Variants in FBLN7 observed in about 807,000 individuals in gnomAD.
FBLN7 encodes the protein fibulin-7.
FBLN7 carries 31 observed loss-of-function variants against 44.0 expected under a neutral mutation model. The ratio of observed to expected loss-of-function variants is 0.70; its 90% confidence interval spans 0.53 to 0.95. The LOEUF (loss-of-function observed/expected upper bound fraction) is 0.95. Among genes scored for constraint, FBLN7 ranks in the 40% least tolerant of loss-of-function variants. FBLN7 has a pLI of 0.00. For missense variants in FBLN7, 573 were observed against 618.5 expected (o/e 0.93, Z 0.78); for synonymous variants, 262 against 253.4 (o/e 1.03, Z -0.32).
intron 1 of FBLN7, among the ~76,000 whole-genome samples, chr2:112,154,570 T>G (rs1454774782): frequency 6.6e-6 from 1 of 152,188 alleles, no homozygotes; most frequent in African/African-American, 2.4e-5. Flanking sequence ...TTTTCACTGT[T>G]GGGACCTGGA....
At chr2:112,152,228 C>A (rs907261707) in intron 1 of FBLN7, 1 of 152,266 alleles carries the variant, frequency 6.6e-6, no homozygotes, top group Non-Finnish European at 1.5e-5. Context: ...GGCTCAGAGA[C>A]CTATGCGGCT....
the FBLN7 span, among the ~76,000 whole-genome samples, chr2:112,219,327 T>G: frequency 6.6e-6 from 1 of 152,252 alleles, no homozygotes; most frequent in South Asian, 2.1e-4. Flanking sequence ...GACCATTCAA[T>G]GAAGGAAGGA....
At chr2:112,212,679 C>G in the FBLN7 span, 1 of 152,202 alleles carries the variant, frequency 6.6e-6, no homozygotes, top group Non-Finnish European at 1.5e-5. Context: ...TCCCAACTTT[C>G]CTCTCTGTTT....
In FBLN7 at chr2:112,175,759, G is replaced by A. The variant is rs761415015; in HGVS notation, c.452G>A (p.Cys151Tyr). The A allele has an allele frequency of 7.4e-6, 12 of 1,614,154 alleles. No individual in the cohort carries two copies. Among genetic ancestry groups the A allele is most frequent in the South Asian group, 1.1e-5 (1 of 91,086 alleles). ...SSQPCQNGGT[C>Y]VEGVNQYRCI... ...CAGCCTTGTCAAAATGGTGGTACAT[G>A]TGTAGAAGGAGTCAACCAGTACAGA... Residue 151 changes from cysteine (C) to tyrosine (Y), a missense_variant, in exon 4 of 8, where the codon TGT (cysteine) becomes TAT (tyrosine). Cys to Tyr is a radical substitution (Grantham distance 194, BLOSUM62 -2). Coordinates refer to ENST00000331203, the MANE Select transcript of FBLN7 (RefSeq NM_153214.3).
At chr2:112,166,637 A>G (rs1483299781) in intron 3 of FBLN7, among the ~76,000 whole-genome samples, 1 of 152,232 alleles carries the variant, frequency 6.6e-6, no homozygotes, top group Non-Finnish European at 1.5e-5. Flanking sequence ...TTGACTCTGA[A>G]AGATCTCAAG....
chr2:112,167,793 A>G (rs541439966), intron 3 of FBLN7, among the ~76,000 whole-genome samples: 6 of 152,252 alleles, frequency 3.9e-5, no homozygotes, highest in Non-Finnish European at 7.4e-5. Flanking sequence ...TTGGGCCCAA[A>G]CCAGTCAGAA....
At chr2:112,209,117 T>C in the FBLN7 span, among the ~76,000 whole-genome samples, 1 of 152,224 alleles carries the variant, frequency 6.6e-6, no homozygotes, top group African/African-American at 2.4e-5. Context: ...GCATGACAGA[T>C]TTTATTTTTG....
chr2:112,181,902 T>A lies in FBLN7; in HGVS notation c.670+26T>A, dbSNP rs539326562. The stretch of plus-strand genomic sequence containing the variant: ...GTAGGCGCGGGCTCCGCCAGGACAC[T>A]GGGGACAGCACGGGGAGGACATGGG... On this transcript the variant is annotated intron_variant, in intron 5 of 7. Coordinates refer to ENST00000331203, the MANE Select transcript of FBLN7 (RefSeq NM_153214.3). The A allele has an allele frequency of 4.2e-5, 65 of 1,532,694 alleles. No homozygotes were observed. In the African/African-American group the frequency reaches 7.0e-4, roughly 17 times the overall value. 94.9% of individuals were successfully genotyped at this position (1,532,694 alleles called of 1,614,324 possible). A position where few individuals can be genotyped will look rare whatever the true frequency, so the allele number is the denominator to read the frequency against.
chr2:112,238,579 A>G, the FBLN7 span: 3 of 1,470,720 alleles, frequency 2.0e-6, no homozygotes, highest in Non-Finnish European at 1.8e-6. Context: ...GATTCAAAAC[A>G]ATCTGGCTAT....
chr2:112,165,507 C>T (rs2104575426), intron 3 of FBLN7, among the ~76,000 whole-genome samples: 1 of 152,294 alleles, frequency 6.6e-6, no homozygotes, highest in Non-Finnish European at 1.5e-5. Flanking sequence ...ACTCTGACCC[C>T]AGAGTCTGCG....
chr2:112,146,632 G>A (rs890563588), intron 1 of FBLN7, among the ~76,000 whole-genome samples: 1 of 149,682 alleles, frequency 6.7e-6, no homozygotes, highest in African/African-American at 2.5e-5. Context: ...AAATCCAATG[G>A]GCTTTTCTGC....
At chr2:112,232,239 C>G in the FBLN7 span, among the ~76,000 whole-genome samples, 6 of 148,932 alleles carry the variant, frequency 4.0e-5, no homozygotes, top group African/African-American at 1.5e-4. Flanking sequence ...TCATTTGAAC[C>G]TGGGAGGCGG....
Position 112,174,796 on chromosome 2 carries a change from G to A in FBLN7, c.407-918G>A, listed in dbSNP as rs959568631. 7.3e-5 allele frequency among the ~76,000 whole-genome samples: 11 copies of A among 151,706 alleles called. No homozygotes were observed. The East Asian group carries it at 1.6e-3, about 21-fold the overall frequency. On this transcript the variant is annotated intron_variant, in intron 3 of 7. Transcript: ENST00000331203. ...GGGATCTCGGCTCACTGCAACCTCC[G>A]CCTCCCGGGTTCAAGCGATTCTCCT...
intron 3 of FBLN7, among the ~76,000 whole-genome samples, chr2:112,167,869 CGTTATGTTATGTTATGTTAT>C (rs137969881): frequency 3.0e-5 from 4 of 132,826 alleles, no homozygotes; most frequent in Admixed American, 1.5e-4. Flanking sequence ...AGGAAAGACA[CGTTATGTTATGTTATGTTAT>C]GTTATGTTAT....
rs1042420449 is a variant in FBLN7, at chr2:112,168,146, G to A, written c.406+2975G>A. Among the ~76,000 whole-genome samples the A allele has an allele frequency of 2.6e-5, 4 of 152,128 alleles. No homozygotes were observed. The East Asian group carries it at 5.8e-4, about 22-fold the overall frequency. On this transcript the variant is annotated intron_variant, in intron 3 of 7. Transcript: ENST00000331203. ...ATCCTCCCGAGTCTTGCCCTTGGACGTACCAGTTCATTCCAGATGCACCTT... is the reference window on the plus strand; with the variant it reads ...ATCCTCCCGAGTCTTGCCCTTGGACATACCAGTTCATTCCAGATGCACCTT...
chr2:112,160,597 G>A (rs1229140435), intron 2 of FBLN7, among the ~76,000 whole-genome samples: 1 of 152,050 alleles, frequency 6.6e-6, no homozygotes, highest in Non-Finnish European at 1.5e-5. Context: ...TAGCAGAGTT[G>A]AGTGGAAAGC....
intron 2 of FBLN7, among the ~76,000 whole-genome samples, chr2:112,161,346 C>G (rs1410293941): frequency 6.6e-6 from 1 of 152,150 alleles, no homozygotes; most frequent in Non-Finnish European, 1.5e-5. Flanking sequence ...GCAAATCCAG[C>G]TCTCAACGGC....
At chr2:112,219,192 A>C in the FBLN7 span, among the ~76,000 whole-genome samples, 1 of 152,238 alleles carries the variant, frequency 6.6e-6, no homozygotes, top group South Asian at 2.1e-4. Context: ...AGTTCAATAC[A>C]AAGTGATAGT....
chr2:112,165,636 C>A (rs1024221828), intron 3 of FBLN7, among the ~76,000 whole-genome samples: 47 of 152,124 alleles, frequency 3.1e-4, no homozygotes, highest in African/African-American at 1.1e-3. Flanking sequence ...GATGATGCTG[C>A]TGTGGCTGCT....
Sources: gnomAD v4.1 joint callset for allele counts (sites outside exome capture counted in the v4.1 genomes callset) on GRCh38, gnomAD v4.1.1 for gene constraint, MANE v1.5 for transcripts, NCBI Gene and HGNC (gene_info 2026-07-23, HGNC 2026-07-21) for gene names.